PAPSS1: variants seen among roughly 807,000 people sequenced by gnomAD.
PAPSS1 encodes bifunctional 3'-phosphoadenosine 5'-phosphosulfate synthase 1.
A neutral mutation model predicts 72.0 loss-of-function variants in PAPSS1; 50 were observed. The ratio of observed to expected loss-of-function variants is 0.69; its 90% CI spans 0.55 to 0.88. The LOEUF (loss-of-function observed/expected upper bound fraction) is 0.88, where lower values mean the gene tolerates loss of function less well. PAPSS1 is among the 40% of genes least tolerant of loss of function. The pLI is 0.00. For synonymous variants in PAPSS1, 261 were observed against 263.6 expected (o/e 0.99, Z 0.09); for missense variants, 657 against 782.2 (o/e 0.84, Z 1.91).
rs116858322 is a variant in PAPSS1, at chr4:107,654,425, C to T, written c.1101+270G>A. Among the ~76,000 whole-genome samples the T allele has an allele frequency of 5.3e-5, 8 of 152,316 alleles. No homozygotes were observed. In the East Asian group the frequency reaches 7.7e-4, roughly 15 times the overall value. ...TACTCCAAGAGCTGAAACACTGTGCCGGTGGTGTCCCTGGCCCTGCATTCC... is the reference window on the plus strand; with the variant it reads ...TACTCCAAGAGCTGAAACACTGTGCTGGTGGTGTCCCTGGCCCTGCATTCC... On this transcript the variant is annotated intron_variant, in intron 8 of 11. Transcript: ENST00000265174.
intron 9 of PAPSS1, among the ~76,000 whole-genome samples, chr4:107,647,012 G>A (rs541216598): frequency 1.3e-5 from 2 of 152,088 alleles, no homozygotes; most frequent in African/African-American, 4.8e-5. Flanking sequence ...CTTCAAATAG[G>A]TCTTCCTCCC....
chr4:107,718,822 C>G (rs893497671), intron 1 of PAPSS1, among the ~76,000 whole-genome samples: 18 of 152,210 alleles, frequency 1.2e-4, no homozygotes, highest in African/African-American at 2.9e-4. Context: ...AGAAGCGAAA[C>G]TGAGTCTGAG....
chr4:107,680,426 G>GA (rs1727776029), intron 5 of PAPSS1, among the ~76,000 whole-genome samples: 1 of 151,912 alleles, frequency 6.6e-6, no homozygotes, highest in Non-Finnish European at 1.5e-5. Context: ...AGCACTAAAA[G>GA]AAAAAACAAT....
At chr4:107,633,918 CA>C (rs765586369) in intron 10 of PAPSS1, among the ~76,000 whole-genome samples, 1,188 of 90,218 alleles carry the variant, frequency 0.013, 18 homozygotes, top group African/African-American at 0.053. Context: ...GACTCCGTCT[CA>C]AAAAAAAAAA....
At chr4:107,633,653 C>G (rs568236885) in intron 10 of PAPSS1, among the ~76,000 whole-genome samples, 1 of 152,160 alleles carries the variant, frequency 6.6e-6, no homozygotes, top group East Asian at 1.9e-4. Flanking sequence ...GGCACAGTGG[C>G]TCATGCCTGT....
At chr4:107,627,817 TTTA>T (rs1726136871) in intron 11 of PAPSS1, among the ~76,000 whole-genome samples, 1 of 152,162 alleles carries the variant, frequency 6.6e-6, no homozygotes, top group Non-Finnish European at 1.5e-5. Flanking sequence ...GCACACCGCT[TTTA>T]CAGTTGCACT....
At chr4:107,652,349 G>T (rs759049792) in intron 9 of PAPSS1, among the ~76,000 whole-genome samples, 2 of 152,128 alleles carry the variant, frequency 1.3e-5, no homozygotes, top group Non-Finnish European at 2.9e-5. Context: ...ACAGAACCTT[G>T]AATTTGCAGG....
At chr4:107,635,969 C>T (rs1156834107) in intron 10 of PAPSS1, among the ~76,000 whole-genome samples, 1 of 152,304 alleles carries the variant, frequency 6.6e-6, no homozygotes, top group African/African-American at 2.4e-5. Flanking sequence ...AACTTTCAAG[C>T]TTCCAGTATT....
intron 11 of PAPSS1, among the ~76,000 whole-genome samples, chr4:107,621,772 C>T (rs1452910952): frequency 6.6e-6 from 1 of 151,450 alleles, no homozygotes; most frequent in Admixed American, 6.6e-5. Flanking sequence ...AGGTGCCTGC[C>T]ACCACGCCTG....
chr4:107,623,206 C>T (rs550815078), intron 11 of PAPSS1, among the ~76,000 whole-genome samples: 1 of 152,312 alleles, frequency 6.6e-6, no homozygotes, highest in East Asian at 1.9e-4. Context: ...TACAAGTATA[C>T]TGACTTTGTA....
intron 5 of PAPSS1, among the ~76,000 whole-genome samples, chr4:107,666,680 C>G (rs1428700070): frequency 6.6e-6 from 1 of 152,122 alleles, no homozygotes; most frequent in Admixed American, 6.5e-5. Context: ...TACTGAAGAC[C>G]ATTAAACAAT....
chr4:107,711,329 T>G (rs2125941741), intron 1 of PAPSS1, among the ~76,000 whole-genome samples: 1 of 152,358 alleles, frequency 6.6e-6, no homozygotes, highest in East Asian at 1.9e-4. Context: ...CTGTACATAC[T>G]ACAAACTTCC....
At chr4:107,704,415 G>C (rs757843703) in intron 1 of PAPSS1, among the ~76,000 whole-genome samples, 4 of 152,186 alleles carry the variant, frequency 2.6e-5, no homozygotes, top group Non-Finnish European at 5.9e-5. Context: ...CCCTTGTTGT[G>C]CTCCTGATCT....
At chr4:107,621,608 CT>C (rs10670438) in intron 11 of PAPSS1, among the ~76,000 whole-genome samples, 264 of 48,136 alleles carry the variant, frequency 5.5e-3, no homozygotes, top group Non-Finnish European at 8.7e-3. Context: ...GGTTTTTTAT[CT>C]TTTTTTTTTT....
At chr4:107,668,963 AC>A (rs1300990730) in intron 5 of PAPSS1, among the ~76,000 whole-genome samples, 3 of 152,054 alleles carry the variant, frequency 2.0e-5, no homozygotes, top group Admixed American at 6.6e-5. Flanking sequence ...CCAAACACAT[AC>A]TCTAAAGCTA....
intron 11 of PAPSS1, among the ~76,000 whole-genome samples, chr4:107,626,751 G>A (rs1726111382): frequency 6.6e-6 from 1 of 152,158 alleles, no homozygotes; most frequent in African/African-American, 2.4e-5. Flanking sequence ...CCTCATCTGT[G>A]CATAATTAAT....
chr4:107,671,429 T>G (rs1179368082), intron 5 of PAPSS1, among the ~76,000 whole-genome samples: 3 of 152,100 alleles, frequency 2.0e-5, no homozygotes, highest in African/African-American at 7.2e-5. Flanking sequence ...GAGAAACCTG[T>G]GGCACCCAAA....
chr4:107,655,814 T>C (rs1220978463), intron 7 of PAPSS1, among the ~76,000 whole-genome samples: 2 of 152,138 alleles, frequency 1.3e-5, no homozygotes, highest in Non-Finnish European at 2.9e-5. Flanking sequence ...GTAAAGGAGG[T>C]AGTCCACAAG....
At chr4:107,684,151 T>G (rs1282446812) in intron 4 of PAPSS1, among the ~76,000 whole-genome samples, 4 of 152,184 alleles carry the variant, frequency 2.6e-5, no homozygotes, top group Non-Finnish European at 2.9e-5. Flanking sequence ...GGACAAGGTC[T>G]TATTCATCTT....
Sources: gnomAD v4.1 joint callset for allele counts (sites outside exome capture counted in the v4.1 genomes callset) on GRCh38, gnomAD v4.1.1 for gene constraint, MANE v1.5 for transcripts, NCBI Gene and HGNC (gene_info 2026-07-23, HGNC 2026-07-21) for gene names.